GOSR1: variants seen among roughly 807,000 people sequenced by gnomAD.
The protein encoded by GOSR1 is 28 kDa Golgi SNARE protein.
In GOSR1, 21 loss-of-function variants were observed where a neutral mutation model predicts 35.5. That is an observed-to-expected ratio of 0.59 (90% CI 0.42 to 0.85). The LOEUF (loss-of-function observed/expected upper bound fraction) is 0.85, where lower values mean the gene tolerates loss of function less well. GOSR1 is among the 40% of genes least tolerant of loss of function. The probability of loss-of-function intolerance (pLI) is 0.00; values close to 1 mark genes in which losing one functional copy is unlikely to be tolerated. For missense variants in GOSR1, 285 were observed against 309.6 expected, an observed-to-expected ratio of 0.92 and a Z score of 0.60; for synonymous variants, 94 against 106.6, an observed-to-expected ratio of 0.88 and a Z score of 0.73.
rs1207487885 is a variant in GOSR1, at chr17:30,492,763, G to A, written c.509+10G>A. On this transcript the variant is annotated intron_variant, in intron 6 of 8. Coordinates refer to ENST00000451249, the MANE Select transcript of GOSR1 (RefSeq NM_001007025.2). ...ATGACCACCTTCGAAAGTAGGTATT[G>A]AATGTATGTGCATTATGTGGTTTTC... 1 of 1,479,432 alleles carries A rather than the reference G, an allele frequency of 6.8e-7. No individual in the cohort carries two copies. 91.6% of individuals were successfully genotyped at this position (1,479,432 alleles called of 1,614,324 possible).
chr17:30,494,192 A>AACACACACAC (rs143873080), intron 6 of GOSR1, among the ~76,000 whole-genome samples: 13,836 of 150,432 alleles, frequency 0.092, 781 homozygotes, highest in African/African-American at 0.15. Context: ...GCCATACTTA[A>AACACACACAC]ACACACACAC....
At position 30,520,148 on chromosome 17, in the gene GOSR1, G is replaced by A. The variant is rs1000164838; in HGVS notation, c.622+127G>A. The A allele has an allele frequency of 1.7e-5, 11 of 659,636 alleles. No homozygotes were observed. In the East Asian group the frequency reaches 2.1e-4, roughly 13 times the overall value. 40.9% of individuals were successfully genotyped at this position (659,636 alleles called of 1,614,324 possible). ...GAGCCCATCAGTAATTGCATAATAT[G>A]AATATACTGTGCATTCCTACTTTGT... On this transcript the variant is annotated intron_variant, in intron 8 of 8. Coordinates refer to ENST00000451249, the MANE Select transcript of GOSR1 (RefSeq NM_001007025.2).
rs73279564 is a variant in GOSR1 at position 30,519,097 on chromosome 17, A to G, written c.540-842A>G. On this transcript the variant is annotated intron_variant, in intron 7 of 8. Transcript: ENST00000451249. Reference sequence around the variant, plus strand: ...TTTTTTTGAGACAGGGTCTCGCTCCATTATTCAGGCTAGAGTGCAGTGGCT... The same window carrying G: ...TTTTTTTGAGACAGGGTCTCGCTCCGTTATTCAGGCTAGAGTGCAGTGGCT... Among the ~76,000 whole-genome samples the G allele has an allele frequency of 1.5e-3, 225 of 152,200 alleles. 1 individual carries two copies. The highest frequency in any genetic ancestry group is 5.0e-3 in the African/African-American group (206 of 41,516).
intron 7 of GOSR1, among the ~76,000 whole-genome samples, chr17:30,511,311 A>G (rs1967605852): frequency 6.6e-6 from 1 of 152,376 alleles, no homozygotes; most frequent in East Asian, 1.9e-4. Flanking sequence ...AGTTCATAGT[A>G]TCTGTAATAA....
intron 5 of GOSR1, 89 bp downstream of exon 5, chr17:30,490,306 A>G: frequency 9.3e-6 from 6 of 643,616 alleles, no homozygotes; most frequent in Non-Finnish European, 1.7e-5. Context: ...TGAGTGGCAG[A>G]ACCGTGGTTG....
intron 6 of GOSR1, 96 bp downstream of exon 6, chr17:30,492,849 G>T (rs1275114847): frequency 2.7e-6 from 2 of 751,942 alleles, no homozygotes; most frequent in African/African-American, 3.5e-5. Flanking sequence ...TATACTGAGT[G>T]CCTTGTCCAT....
chr17:30,507,457 G>A (rs1366822280), intron 6 of GOSR1, among the ~76,000 whole-genome samples: 3 of 152,168 alleles, frequency 2.0e-5, no homozygotes, highest in South Asian at 4.1e-4. Flanking sequence ...GCTCATGCCT[G>A]TAATCCTGTA....
intron 4 of GOSR1, 141 bp from the exon 5 acceptor site, chr17:30,489,985 T>C: frequency 1.7e-6 from 1 of 583,326 alleles, no homozygotes; most frequent in East Asian, 2.9e-5. Flanking sequence ...ATTTTAAAGT[T>C]ATTTTTACCT....
rs376059839 is a variant in GOSR1 at position 30,496,499 on chromosome 17, CT to C, written c.509+3750del. Among the ~76,000 whole-genome samples the C allele has an allele frequency of 3.2e-4, 48 of 152,296 alleles. No individual in the cohort carries two copies. The East Asian group carries it at 9.2e-3, about 29-fold the overall frequency. On this transcript the variant is annotated intron_variant, in intron 6 of 8. Coordinates refer to ENST00000451249, the MANE Select transcript of GOSR1 (RefSeq NM_001007025.2). The stretch of plus-strand genomic sequence containing the variant: ...TTCTCCACATACCTTTCTTACTTCT[CT>C]TTTGTTTTTTTCCTGAGTCCCTCCA...
Position 30,484,303 on chromosome 17 carries a change from TA to T in GOSR1, c.234+4del. ...GAGATTGAACAACTTTTGGCAAGGG[TA>T]AGTGCTTTCTGTTAAATGGCTATTT... On this transcript the variant is annotated splice_donor_region_variant and intron_variant, in intron 3 of 8. Transcript: ENST00000451249. 6.4e-7 allele frequency: 1 copy of T among 1,571,588 alleles called. No individual in the cohort carries two copies. The highest frequency in any genetic ancestry group is 8.8e-7 in the Non-Finnish European group (1 of 1,141,300).
At chr17:30,484,988 T>C (rs1027125814) in intron 4 of GOSR1, 1 of 554,380 alleles carries the variant, frequency 1.8e-6, no homozygotes, top group African/African-American at 1.9e-5. Context: ...CTTGGCGAAG[T>C]TGAGTAATAT....
chr17:30,495,279 A>G (rs1357897006), intron 6 of GOSR1: 1 of 359,890 alleles, frequency 2.8e-6, no homozygotes, highest in Non-Finnish European at 5.5e-6. Context: ...AGACTATATT[A>G]CCTCAAACAT....
chr17:30,498,994 A>C (rs751868797), intron 6 of GOSR1, among the ~76,000 whole-genome samples: 1 of 152,190 alleles, frequency 6.6e-6, no homozygotes, highest in Non-Finnish European at 1.5e-5. Context: ...AAAGTTCCTT[A>C]TGCCCCTTTT....
In GOSR1 at chr17:30,482,492, AGTT is replaced by A. The variant is rs941300465; in HGVS notation, c.146+1242_146+1244del. On this transcript the variant is annotated intron_variant, in intron 2 of 8. Transcript: ENST00000451249. ...CTAGCGGTGAAATTGCTGGTAGCAG[AGTT>A]GTTGTTAATCCACACTTATTTTACA... Among the ~76,000 whole-genome samples the A allele has an allele frequency of 6.6e-5, 10 of 152,322 alleles. No individual in the cohort carries two copies. The East Asian group carries it at 1.2e-3, about 18-fold the overall frequency.
At position 30,523,581 on chromosome 17, in the gene GOSR1, A is replaced by C. The variant is rs1276782308; in HGVS notation, c.*1203A>C. The stretch of plus-strand genomic sequence containing the variant: ...CCCGTCCGGGAGGGAGGTGGGGGGG[A>C]TCAGCCCCCCGCCCGGCCAGCCGCC... On this transcript the variant is annotated 3_prime_UTR_variant, in exon 9 of 9. Coordinates refer to ENST00000451249, the MANE Select transcript of GOSR1 (RefSeq NM_001007025.2). 1 of 94,616 alleles carries C rather than the reference A, an allele frequency of 1.1e-5. No individual in the cohort carries two copies. The highest frequency in any genetic ancestry group is 4.3e-5 in the African/African-American group (1 of 23,518). 5.9% of individuals were successfully genotyped at this position (94,616 alleles called of 1,614,324 possible).
At position 30,522,385 on chromosome 17, in the gene GOSR1, A is replaced by G; in HGVS notation, c.*7A>G. On this transcript the variant is annotated 3_prime_UTR_variant, in exon 9 of 9. Coordinates refer to ENST00000451249, the MANE Select transcript of GOSR1 (RefSeq NM_001007025.2). The stretch of plus-strand genomic sequence containing the variant: ...GCTGTATGCGTTCCATTGATGGGAC[A>G]TCTTCAGGGACTCTTGACAGCCACC... 6.4e-7 allele frequency: 1 copy of G among 1,561,102 alleles called. No individual in the cohort carries two copies.
At chr17:30,485,021 C>T (rs983001046) in intron 4 of GOSR1, 1 of 483,060 alleles carries the variant, frequency 2.1e-6, no homozygotes, top group Admixed American at 3.3e-5. Context: ...ACATATACTT[C>T]CACTATGGGA....
At chr17:30,501,116 G>T (rs1421233834) in intron 6 of GOSR1, among the ~76,000 whole-genome samples, 2 of 152,150 alleles carry the variant, frequency 1.3e-5, no homozygotes, top group African/African-American at 4.8e-5. Flanking sequence ...TCCTGACCTC[G>T]TGATCCGCCC....
intron 4 of GOSR1, among the ~76,000 whole-genome samples, chr17:30,486,040 A>AG (rs1491173298): frequency 2.7e-5 from 4 of 150,792 alleles, no homozygotes; most frequent in Non-Finnish European, 5.9e-5. Context: ...AAAAAAAAAA[A>AG]GTAGGAATAG....
Sources: gnomAD v4.1 joint callset for allele counts (sites outside exome capture counted in the v4.1 genomes callset) on GRCh38, gnomAD v4.1.1 for gene constraint, MANE v1.5 for transcripts, NCBI Gene and HGNC (gene_info 2026-07-23, HGNC 2026-07-21) for gene names.